Variants in NLGN1 observed in about 807,000 individuals in gnomAD.
NLGN1 encodes the protein neuroligin-1.
A neutral mutation model predicts 65.5 loss-of-function variants in NLGN1; 12 were observed. The observed-to-expected ratio is 0.18, with a 90% confidence interval of 0.12 to 0.30. NLGN1 has a LOEUF of 0.30. Ranked by LOEUF, NLGN1 falls within the 10% of genes least tolerant of loss-of-function variation. The pLI is 1.00. For synonymous variants in NLGN1, 350 were observed against 359.5 expected (o/e 0.97, Z 0.30); for missense variants, 750 against 1,007.1 (o/e 0.74, Z 3.46).
chr3:173,621,512 T>G (rs2149504585), intron 3 of NLGN1, among the ~76,000 whole-genome samples: 1 of 152,032 alleles, frequency 6.6e-6, no homozygotes, highest in South Asian at 2.1e-4. Flanking sequence ...GCATTGATGG[T>G]TTTTGGGCAA....
rs578053276 is a variant in NLGN1, at chr3:173,662,398, G to A, written c.493+57307G>A. Among the ~76,000 whole-genome samples the A allele has an allele frequency of 3.3e-5, 5 of 152,052 alleles. No homozygotes were observed. The East Asian group carries it at 7.7e-4, about 23-fold the overall frequency. ...TTCTCACCTAAGAAATGAGGAGGTT[G>A]TACAATTTAAGGTGTCTATCAGTCA... On this transcript the variant is annotated intron_variant, in intron 3 of 6. Coordinates refer to ENST00000457714, the Ensembl canonical transcript of NLGN1.
intron 3 of NLGN1, among the ~76,000 whole-genome samples, chr3:173,665,138 T>C (rs1761519159): frequency 6.6e-6 from 1 of 152,154 alleles, no homozygotes; most frequent in Non-Finnish European, 1.5e-5. Context: ...TCATCTTGAA[T>C]TGTAATTAGA....
intron 3 of NLGN1, among the ~76,000 whole-genome samples, chr3:173,699,051 T>C (rs1163565066): frequency 1.3e-5 from 2 of 152,074 alleles, no homozygotes; most frequent in African/African-American, 4.8e-5. Flanking sequence ...AGACGCGTTA[T>C]CTCCAGGTTG....
At chr3:174,194,400 G>A (rs1490293087) in intron 4 of NLGN1, among the ~76,000 whole-genome samples, 1 of 151,610 alleles carries the variant, frequency 6.6e-6, no homozygotes, top group African/African-American at 2.4e-5. Context: ...AGTGAGCTGA[G>A]GTCGCACCAC....
intron 4 of NLGN1, among the ~76,000 whole-genome samples, chr3:174,167,903 AT>A (rs953318834): frequency 3.8e-4 from 58 of 151,474 alleles, no homozygotes; most frequent in Middle Eastern, 6.8e-3. Context: ...CAGTTTAAAA[AT>A]TTTTTTTTAA....
At chr3:173,607,901 ATT>A (rs1432224651) in intron 3 of NLGN1, among the ~76,000 whole-genome samples, 1 of 151,520 alleles carries the variant, frequency 6.6e-6, no homozygotes, top group Non-Finnish European at 1.5e-5. Flanking sequence ...TTATTCTTTT[ATT>A]ATGTATGGAT....
At chr3:173,741,584 C>T (rs1388835358) in intron 3 of NLGN1, among the ~76,000 whole-genome samples, 1 of 151,954 alleles carries the variant, frequency 6.6e-6, no homozygotes, top group Non-Finnish European at 1.5e-5. Flanking sequence ...CCTCCACCTC[C>T]TAGGTTCGAG....
intron 4 of NLGN1, among the ~76,000 whole-genome samples, chr3:174,003,291 G>C (rs1723675046): frequency 6.6e-6 from 1 of 152,018 alleles, no homozygotes; most frequent in East Asian, 1.9e-4. Flanking sequence ...TGATATATTT[G>C]GCAGGCATTA....
At chr3:173,823,928 A>C (rs1720823974) in intron 4 of NLGN1, among the ~76,000 whole-genome samples, 5 of 151,524 alleles carry the variant, frequency 3.3e-5, no homozygotes, top group Admixed American at 3.3e-4. Flanking sequence ...TTAAAAAAAA[A>C]AAACAAATCT....
chr3:173,945,356 G>A (rs1746955410), intron 4 of NLGN1, among the ~76,000 whole-genome samples: 1 of 151,930 alleles, frequency 6.6e-6, no homozygotes, highest in Admixed American at 6.6e-5. Context: ...TAATTTCCCT[G>A]TGCATAATGC....
intron 3 of NLGN1, among the ~76,000 whole-genome samples, chr3:173,643,810 G>C (rs1233651584): frequency 6.6e-6 from 1 of 152,212 alleles, no homozygotes; most frequent in East Asian, 1.9e-4. Context: ...CTGGGCTCAA[G>C]TGATCCTGCC....
At chr3:173,972,590 G>T (rs1041880996) in intron 4 of NLGN1, among the ~76,000 whole-genome samples, 1 of 152,048 alleles carries the variant, frequency 6.6e-6, no homozygotes, top group African/African-American at 2.4e-5. Context: ...AATGAGAAAA[G>T]ATAATGATAA....
At chr3:173,867,518 A>C (rs943237465) in intron 4 of NLGN1, among the ~76,000 whole-genome samples, 4 of 152,142 alleles carry the variant, frequency 2.6e-5, no homozygotes, top group African/African-American at 9.7e-5. Context: ...AAATATAAAG[A>C]ATCTGTTTTC....
chr3:174,029,247 C>A (rs566074366), intron 4 of NLGN1, among the ~76,000 whole-genome samples: 11 of 152,312 alleles, frequency 7.2e-5, no homozygotes, highest in African/African-American at 2.2e-4. Context: ...TGGCTGTACC[C>A]TGCAAAACCA....
chr3:174,086,247 G>T (rs1743266910), intron 4 of NLGN1, among the ~76,000 whole-genome samples: 1 of 150,604 alleles, frequency 6.6e-6, no homozygotes, highest in African/African-American at 2.4e-5. Context: ...ATATATTTAT[G>T]TATGTGCATA....
intron 4 of NLGN1, among the ~76,000 whole-genome samples, chr3:173,868,875 G>T (rs1309397383): frequency 6.6e-6 from 1 of 152,016 alleles, no homozygotes; most frequent in African/African-American, 2.4e-5. Context: ...TACTTAAAAA[G>T]TAGGGAGAGA....
intron 3 of NLGN1, among the ~76,000 whole-genome samples, chr3:173,725,094 G>A (rs1028124005): frequency 1.3e-5 from 2 of 152,002 alleles, no homozygotes; most frequent in Admixed American, 6.5e-5. Flanking sequence ...CAGTTAATGG[G>A]TGCAGCACAC....
chr3:174,259,541 G>A (rs1398123232), intron 4 of NLGN1, among the ~76,000 whole-genome samples: 2 of 151,748 alleles, frequency 1.3e-5, no homozygotes, highest in Admixed American at 1.3e-4. Flanking sequence ...AGCAAATCAA[G>A]ACACAATGTC....
downstream of NLGN1, among the ~76,000 whole-genome samples, chr3:174,290,949 T>A (rs1752699301): frequency 6.6e-6 from 1 of 150,468 alleles, no homozygotes; most frequent in African/African-American, 2.4e-5. Context: ...ATACAACCTA[T>A]GAAATAGCAA....
Sources: gnomAD v4.1 joint callset for allele counts (sites outside exome capture counted in the v4.1 genomes callset) on GRCh38, gnomAD v4.1.1 for gene constraint, MANE v1.5 for transcripts, NCBI Gene and HGNC (gene_info 2026-07-23, HGNC 2026-07-21) for gene names.